Variants in PTPRZ1 observed in about 807,000 individuals in gnomAD.
The protein encoded by PTPRZ1 is protein tyrosine phosphatase receptor type Z1.
A neutral mutation model predicts 214.1 loss-of-function variants in PTPRZ1; 82 were observed. The observed-to-expected ratio is 0.38, with a 90% CI of 0.32 to 0.46. The LOEUF is 0.46. Ranked by LOEUF, PTPRZ1 falls within the 20% of genes least tolerant of loss-of-function variation. The pLI, the probability that PTPRZ1 is intolerant of heterozygous loss-of-function variation, is 1.00. For missense variants in PTPRZ1, 2,603 were observed against 2,748.7 expected, an observed-to-expected ratio of 0.95 and a Z score of 1.19; for synonymous variants, 945 against 987.9, an observed-to-expected ratio of 0.96 and a Z score of 0.81.
At chr7:121,934,784 AT>A (rs568952031) in intron 2 of PTPRZ1, among the ~76,000 whole-genome samples, 5 of 152,054 alleles carry the variant, frequency 3.3e-5, no homozygotes, top group Non-Finnish European at 7.4e-5. Flanking sequence ...TCATCTGTAG[AT>A]TTTTTTTAAA....
chr7:121,955,572 T>C (rs552544010), intron 2 of PTPRZ1, among the ~76,000 whole-genome samples: 79 of 152,300 alleles, frequency 5.2e-4, no homozygotes, highest in Middle Eastern at 3.4e-3. Flanking sequence ...CTGCCTTTCA[T>C]TGAGGGCAGT....
At chr7:121,929,465 C>A in intron 2 of PTPRZ1, among the ~76,000 whole-genome samples, 1 of 148,846 alleles carries the variant, frequency 6.7e-6, no homozygotes, top group African/African-American at 2.5e-5. Flanking sequence ...TTTATTACTT[C>A]TGTGCTATAG....
rs756450073 is a variant in PTPRZ1 at position 122,013,898 on chromosome 7, C to A, written c.4843+9C>A. 1.3e-6 allele frequency: 2 copies of A among 1,588,458 alleles called. No individual in the cohort carries two copies. Among genetic ancestry groups the A allele is most frequent in the African/African-American group, 2.7e-5 (2 of 74,382 alleles). On this transcript the variant is annotated intron_variant, in intron 12 of 29. Transcript: ENST00000393386. ...CCACGTTTCAGAGGCAGGTTAGTTACGGATCAGAAGGACAGATTGAGGTGT... is the reference window on the plus strand; with the variant it reads ...CCACGTTTCAGAGGCAGGTTAGTTAAGGATCAGAAGGACAGATTGAGGTGT...
chr7:121,958,561 A>C (rs1796779963), intron 2 of PTPRZ1, among the ~76,000 whole-genome samples: 1 of 152,144 alleles, frequency 6.6e-6, no homozygotes, highest in Admixed American at 6.5e-5. Flanking sequence ...CTATCTGTAC[A>C]CTGATGTTCC....
chr7:122,038,506 ATTC>A (rs1414385610), intron 18 of PTPRZ1, among the ~76,000 whole-genome samples: 6 of 120,160 alleles, frequency 5.0e-5, no homozygotes, highest in Admixed American at 1.8e-4. Flanking sequence ...AAAGAGAGCT[ATTC>A]TTTTTTTTTT....
At chr7:121,978,985 G>T (rs377195538) in intron 6 of PTPRZ1, among the ~76,000 whole-genome samples, 1 of 151,964 alleles carries the variant, frequency 6.6e-6, no homozygotes, top group Non-Finnish European at 1.5e-5. Context: ...AGGATCAAAG[G>T]TGGGACTTGT....
rs1554421601 is a variant in PTPRZ1, at chr7:121,873,328, T to TCTCTCTCA, written c.-171_-170insTCTCTCAC. ...GTCTCTGTCTCTGTCTCTCTCTCTCTCACACACACACACACACACACAAAC... is the reference window on the plus strand; with the variant it reads ...GTCTCTGTCTCTGTCTCTCTCTCTCTCTCTCTCACACACACACACACACACACACAAAC... On this transcript the variant is annotated 5_prime_UTR_variant, in exon 1 of 30. Coordinates refer to ENST00000393386, the MANE Select transcript of PTPRZ1 (RefSeq NM_002851.3). 11 of 533,102 alleles carry TCTCTCTCA rather than the reference T, an allele frequency of 2.1e-5. No individual in the cohort carries two copies. Among genetic ancestry groups the TCTCTCTCA allele is most frequent in the Non-Finnish European group, 3.4e-5 (10 of 296,940 alleles). 33.0% of individuals were successfully genotyped at this position (533,102 alleles called of 1,614,324 possible).
intron 17 of PTPRZ1, among the ~76,000 whole-genome samples, chr7:122,035,291 C>T (rs183475445): frequency 6.6e-6 from 1 of 152,254 alleles, no homozygotes; most frequent in African/African-American, 2.4e-5. Context: ...CCATTCTTTC[C>T]ACAGAGTTTA....
At chr7:121,894,552 C>T (rs546905129) in intron 1 of PTPRZ1, among the ~76,000 whole-genome samples, 17 of 152,160 alleles carry the variant, frequency 1.1e-4, no homozygotes, top group Admixed American at 3.9e-4. Context: ...ACTACAGGCA[C>T]GCACTTCCAT....
intron 2 of PTPRZ1, among the ~76,000 whole-genome samples, chr7:121,957,024 C>T (rs921047152): frequency 2.2e-4 from 33 of 152,322 alleles, no homozygotes; most frequent in Middle Eastern, 6.8e-3. Flanking sequence ...TCAAACTGTA[C>T]GGTCACCAGT....
At chr7:121,993,734 A>T (rs1011431834) in intron 8 of PTPRZ1, among the ~76,000 whole-genome samples, 1 of 152,198 alleles carries the variant, frequency 6.6e-6, no homozygotes, top group African/African-American at 2.4e-5. Context: ...GGAATTAACT[A>T]AATTGTTATT....
Position 122,012,830 on chromosome 7 carries a change from A to G in PTPRZ1, c.3784A>G (p.Ile1262Val), listed in dbSNP as rs1798719478. 1 of 1,613,152 alleles carries G rather than the reference A, an allele frequency of 6.2e-7. No homozygotes were observed. The highest frequency in any genetic ancestry group is 1.3e-5 in the African/African-American group (1 of 74,896). Residue 1262 changes from isoleucine to valine, a missense_variant, in exon 12 of 30, where the codon ATT (isoleucine) becomes GTT (valine). Ile to Val is a conservative substitution (Grantham distance 29). This residue lies in a region of PTPRZ1 where 1,913 missense variants were observed against 1,914.3 expected (regional missense o/e 1.00). Coordinates refer to ENST00000393386, the MANE Select transcript of PTPRZ1 (RefSeq NM_002851.3). ...MHSASLQGLT[I>V]SYASEKYEPV... ...CTCTGCTTCACTTCAAGGTTTGACC[A>G]TTTCCTATGCAAGTGAGAAATATGA...
At chr7:121,993,572 C>CAAAAAAAAAAAAAAAA (rs66916301) in intron 8 of PTPRZ1, among the ~76,000 whole-genome samples, 5 of 73,608 alleles carry the variant, frequency 6.8e-5, no homozygotes, top group Admixed American at 1.7e-4. Context: ...GAGACTGTCT[C>CAAAAAAAAAAAAAAAA]AAAAAAAAAA....
chr7:121,918,848 C>CAAA (rs10648079), intron 1 of PTPRZ1, among the ~76,000 whole-genome samples: 372 of 151,026 alleles, frequency 2.5e-3, no homozygotes, highest in African/African-American at 5.9e-3. Context: ...ATGTATATTT[C>CAAA]AAAAAAAATC....
At chr7:121,970,516 T>C (rs1484929667) in intron 3 of PTPRZ1, among the ~76,000 whole-genome samples, 6 of 152,180 alleles carry the variant, frequency 3.9e-5, no homozygotes, top group Non-Finnish European at 8.8e-5. Flanking sequence ...AGATGATATC[T>C]CATTGTGGTT....
intron 1 of PTPRZ1, among the ~76,000 whole-genome samples, chr7:121,888,399 T>A (rs914037605): frequency 4.6e-5 from 7 of 151,986 alleles, no homozygotes; most frequent in Non-Finnish European, 8.8e-5. Context: ...GGGAATACTA[T>A]CAAAGGTAGT....
intron 8 of PTPRZ1, among the ~76,000 whole-genome samples, chr7:121,993,572 CAA>C (rs66916301): frequency 0.014 from 1,003 of 73,644 alleles, 1 homozygote; most frequent in African/African-American, 0.025. Context: ...GAGACTGTCT[CAA>C]AAAAAAAAAA....
At chr7:122,049,560 G>C (rs1320107111) in intron 23 of PTPRZ1, among the ~76,000 whole-genome samples, 4 of 152,000 alleles carry the variant, frequency 2.6e-5, no homozygotes, top group African/African-American at 9.7e-5. Flanking sequence ...TAACAAAACA[G>C]TAGCAAAAAC....
At chr7:121,953,970 T>G (rs1796633816) in intron 2 of PTPRZ1, among the ~76,000 whole-genome samples, 1 of 152,168 alleles carries the variant, frequency 6.6e-6, no homozygotes, top group Non-Finnish European at 1.5e-5. Flanking sequence ...GTCAGAGTCA[T>G]CAAAGTGATC....
Sources: allele counts gnomAD v4.1 joint callset (sites outside exome capture counted in the v4.1 genomes callset), GRCh38; gene constraint gnomAD v4.1.1; regional missense constraint gnomAD v4.1.1; transcripts MANE v1.5; gene names NCBI Gene and HGNC (gene_info 2026-07-23, HGNC 2026-07-21).